ITGA11: variants seen among roughly 807,000 people sequenced by gnomAD.
ITGA11 encodes the protein integrin subunit alpha 11.
A neutral mutation model predicts 141.9 loss-of-function variants in ITGA11; 97 were observed. The observed-to-expected ratio is 0.68, with a 90% CI of 0.58 to 0.81. The LOEUF (loss-of-function observed/expected upper bound fraction) is 0.81, where lower values mean the gene tolerates loss of function less well. Ranked by LOEUF, ITGA11 falls within the 30% of genes least tolerant of loss-of-function variation. The pLI is 0.00. For synonymous variants in ITGA11, 658 were observed against 624.6 expected, an observed-to-expected ratio of 1.05 and a Z score of -0.80; for missense variants, 1,387 against 1,559.2, an observed-to-expected ratio of 0.89 and a Z score of 1.86.
chr15:68,350,869 A>G, intron 8 of ITGA11, 87 bp from the exon 9 acceptor site: 3 of 1,419,020 alleles, frequency 2.1e-6, no homozygotes, highest in Non-Finnish European at 2.9e-6. Context: ...TGGGGACCCC[A>G]GGGTGGGCTG....
chr15:68,354,910 T>A (rs922737462), intron 7 of ITGA11, among the ~76,000 whole-genome samples: 5 of 152,240 alleles, frequency 3.3e-5, no homozygotes, highest in African/African-American at 9.6e-5. Context: ...ACAGAAAACC[T>A]TTCACCTTAA....
chr15:68,424,503 GTGA>G (rs1417284113), intron 1 of ITGA11, among the ~76,000 whole-genome samples: 7 of 152,176 alleles, frequency 4.6e-5, no homozygotes, highest in Admixed American at 3.3e-4. Context: ...AATGTGGAGA[GTGA>G]TGATGTGTTC....
Position 68,390,953 on chromosome 15 carries a change from T to C in ITGA11, c.164+11965A>G, listed in dbSNP as rs565319431. On this transcript the variant is annotated intron_variant, in intron 2 of 29. Transcript: ENST00000315757. Reference sequence around the variant, plus strand: ...GAATCAATACATCCCACTGGGGTCATGCTTAATAGTCAGCCAATGTCTCCT... The same window carrying C: ...GAATCAATACATCCCACTGGGGTCACGCTTAATAGTCAGCCAATGTCTCCT... Among the ~76,000 whole-genome samples the C allele has an allele frequency of 3.9e-5, 6 of 152,338 alleles. No homozygotes were observed. The East Asian group carries it at 1.2e-3, about 29-fold the overall frequency.
Position 68,324,522 on chromosome 15 carries a change from C to T in ITGA11, c.2322+609G>A, listed in dbSNP as rs1055218083. Among the ~76,000 whole-genome samples, 1 of 152,078 alleles carries T rather than the reference C, an allele frequency of 6.6e-6. No individual in the cohort carries two copies. The highest frequency in any genetic ancestry group is 2.4e-5 in the African/African-American group (1 of 41,398). On this transcript the variant is annotated intron_variant, in intron 18 of 29. Transcript: ENST00000315757. This position sits in a 1 kb window ranked among gnomAD's most constrained non-coding sequence, Gnocchi z 6.3. ...GAATTGATCACTGCCTGACATTTTC[C>T]TTGAGTGGGATTTACATGGAGTTGC...
At chr15:68,354,578 TCTC>T (rs926611963) in intron 7 of ITGA11, among the ~76,000 whole-genome samples, 1 of 152,184 alleles carries the variant, frequency 6.6e-6, no homozygotes, top group African/African-American at 2.4e-5. Context: ...TGACTTTCCC[TCTC>T]CTCTGCTGTT....
intron 20 of ITGA11, among the ~76,000 whole-genome samples, 195 bp downstream of exon 20, chr15:68,319,990 A>G (rs1195464397): frequency 6.6e-6 from 1 of 151,842 alleles, no homozygotes; most frequent in African/African-American, 2.4e-5. Context: ...GGGTCTCACT[A>G]TGTTGCCCAG....
At chr15:68,405,184 AAC>A (rs1896619663) in intron 1 of ITGA11, among the ~76,000 whole-genome samples, 1 of 69,398 alleles carries the variant, frequency 1.4e-5, no homozygotes, top group Non-Finnish European at 2.7e-5. Context: ...TTGCTCAGCA[AAC>A]ACATAACAGT....
chr15:68,397,723 T>A (rs866557461), intron 2 of ITGA11, among the ~76,000 whole-genome samples: 32 of 61,770 alleles, frequency 5.2e-4, no homozygotes, highest in African/African-American at 2.4e-3. Flanking sequence ...ATTTAAAATA[T>A]TATATTTAAA....
chr15:68,350,860 G>A (rs2140331596), intron 8 of ITGA11, 78 bp from the exon 9 acceptor site: 2 of 1,462,266 alleles, frequency 1.4e-6, no homozygotes, highest in South Asian at 1.4e-5. Flanking sequence ...CCTAGACCCT[G>A]GGGACCCCAG....
chr15:68,422,479 C>T (rs28434753), intron 1 of ITGA11, among the ~76,000 whole-genome samples: 6,178 of 152,122 alleles, frequency 0.041, 418 homozygotes, highest in African/African-American at 0.14. Flanking sequence ...CTTGCTGGGT[C>T]GCTGCAGTAG....
chr15:68,332,504 G>A (rs1234507848), intron 12 of ITGA11, 26 bp from the exon 13 acceptor site: 2 of 1,607,216 alleles, frequency 1.2e-6, no homozygotes, highest in Non-Finnish European at 1.7e-6. Context: ...GGAGAGAGGA[G>A]TGGGCTGGCT....
intron 9 of ITGA11, among the ~76,000 whole-genome samples, chr15:68,350,272 C>T (rs1333078057): frequency 1.3e-5 from 2 of 152,152 alleles, no homozygotes; most frequent in Non-Finnish European, 2.9e-5. Context: ...GCAACCTCAA[C>T]CTCCCAGGCT....
Position 68,358,449 on chromosome 15 carries a change from G to A in ITGA11, c.600+9C>T. On this transcript the variant is annotated intron_variant, in intron 6 of 29. Coordinates refer to ENST00000315757, the MANE Select transcript of ITGA11 (RefSeq NM_001004439.2). ...GTTCAGAAGTGGAAAGAGCCCAAGAGATGCTCACCTGGATCTGCCCTGGGC... is the reference window on the plus strand; with the variant it reads ...GTTCAGAAGTGGAAAGAGCCCAAGAAATGCTCACCTGGATCTGCCCTGGGC... 2 of 1,603,422 alleles carry A rather than the reference G, an allele frequency of 1.2e-6. No homozygotes were observed. Among genetic ancestry groups the A allele is most frequent in the Non-Finnish European group, 1.7e-6 (2 of 1,174,774 alleles).
intron 2 of ITGA11, among the ~76,000 whole-genome samples, chr15:68,372,546 G>A (rs1895622738): frequency 6.6e-6 from 1 of 152,352 alleles, no homozygotes; most frequent in East Asian, 1.9e-4. Flanking sequence ...AGGGAGCAGG[G>A]CTTCGGTGGA....
chr15:68,305,856 A>G lies in ITGA11; in HGVS notation c.3381+1492T>C, dbSNP rs978248212. On this transcript the variant is annotated intron_variant, in intron 28 of 29. Transcript: ENST00000315757. This position sits in a 1 kb window ranked among gnomAD's most constrained non-coding sequence, Gnocchi z 4.6. ...GCACCTAGCACACAGCCCAGCATAC[A>G]GGGGCTTAATTTTGGGGTTGCTGGA... is the stretch of plus-strand genomic sequence containing the variant. Among the ~76,000 whole-genome samples, 5 of 152,082 alleles carry G rather than the reference A, an allele frequency of 3.3e-5. No homozygotes were observed. The highest frequency in any genetic ancestry group is 1.2e-4 in the African/African-American group (5 of 41,380).
chr15:68,417,246 G>A (rs537014388), intron 1 of ITGA11, among the ~76,000 whole-genome samples: 9 of 152,190 alleles, frequency 5.9e-5, no homozygotes, highest in East Asian at 1.9e-4. Flanking sequence ...CCAGGTTTTC[G>A]CTTCTTAAAT....
chr15:68,386,831 C>T (rs889017111), intron 2 of ITGA11, among the ~76,000 whole-genome samples: 4 of 152,132 alleles, frequency 2.6e-5, no homozygotes, highest in South Asian at 2.1e-4. Context: ...GGATGGGGCT[C>T]TTTATCCTTC....
At chr15:68,365,149 G>C (rs962086472) in intron 3 of ITGA11, 10 of 985,334 alleles carry the variant, frequency 1.0e-5, no homozygotes, top group Non-Finnish European at 1.2e-5. Context: ...ATCCCACCTG[G>C]GCTGGCTTCC....
At position 68,352,412 on chromosome 15, in the gene ITGA11, C is replaced by T. The variant is rs559330289; in HGVS notation, c.750-1010G>A. Among the ~76,000 whole-genome samples, 11 of 152,148 alleles carry T rather than the reference C, an allele frequency of 7.2e-5. No homozygotes were observed. In the South Asian group the frequency reaches 1.7e-3, roughly 23 times the overall value. On this transcript the variant is annotated intron_variant, in intron 7 of 29. Coordinates refer to ENST00000315757, the MANE Select transcript of ITGA11 (RefSeq NM_001004439.2). ...TTTGCCATGTTGGCCAGTCTGGTCT[C>T]GAACTCCTGGCCTCAAGTGATCTGC...
Sources: allele counts gnomAD v4.1 joint callset (sites outside exome capture counted in the v4.1 genomes callset), GRCh38; gene constraint gnomAD v4.1.1; non-coding constraint Gnocchi (gnomAD v3.1); transcripts MANE v1.5; gene names NCBI Gene and HGNC (gene_info 2026-07-23, HGNC 2026-07-21).